PCDHGA4: variants seen among roughly 807,000 people sequenced by gnomAD.
PCDHGA4 encodes the protein protocadherin gamma-A4.
PCDHGA4 carries 38 observed loss-of-function variants against 54.6 expected under a neutral mutation model. The observed-to-expected ratio is 0.70, with a 90% CI of 0.54 to 0.91. PCDHGA4 has a LOEUF of 0.91. Ranked by LOEUF, PCDHGA4 falls within the 40% of genes least tolerant of loss-of-function variation. The pLI, the probability that PCDHGA4 is intolerant of heterozygous loss-of-function variation, is 0.00. For synonymous variants in PCDHGA4, 511 were observed against 512.9 expected (o/e 1.00, Z 0.05); for missense variants, 1,298 against 1,220.9 (o/e 1.06, Z -0.94).
At chr5:141,371,563 T>TC in intron 1 of PCDHGA4, 1 of 1,613,806 alleles carries the variant, frequency 6.2e-7, no homozygotes, top group Non-Finnish European at 8.5e-7. Context: ...AAAGGAAACT[T>TC]CCCCTTTAAA....
rs762866893 is a variant in PCDHGA4 at position 141,389,080 on chromosome 5, C to G, written c.2514+31459C>G. ...AAAATATTAACTTCTTCAAGAAACA[C>G]GTATAAATTAGTGACAGATGCTGTT... On this transcript the variant is annotated intron_variant, in intron 1 of 3. Transcript: ENST00000571252. 7 of 1,613,984 alleles carry G rather than the reference C, an allele frequency of 4.3e-6. No individual in the cohort carries two copies. The South Asian group carries it at 5.5e-5, about 13-fold the overall frequency.
chr5:141,435,454 T>C (rs1407615505), intron 1 of PCDHGA4, among the ~76,000 whole-genome samples: 1 of 152,220 alleles, frequency 6.6e-6, no homozygotes, highest in Non-Finnish European at 1.5e-5. Flanking sequence ...ACGATATCTG[T>C]ATGTGTTTCC....
chr5:141,410,246 TCTGACCCCCAGG>T (rs2095371499), intron 1 of PCDHGA4: 2 of 1,614,004 alleles, frequency 1.2e-6, no homozygotes, highest in Admixed American at 3.3e-5. Flanking sequence ...CCCTGTACTC[TCTGACCCCCAGG>T]CTGAACTGCA....
intron 1 of PCDHGA4, chr5:141,370,659 C>G: frequency 6.2e-7 from 1 of 1,613,780 alleles, no homozygotes; most frequent in Non-Finnish European, 8.5e-7. Context: ...TGTGAGCGAC[C>G]GTATAGACCG....
intron 1 of PCDHGA4, chr5:141,414,478 C>T (rs977591382): frequency 5.6e-6 from 9 of 1,613,884 alleles, no homozygotes; most frequent in Non-Finnish European, 3.4e-6. Flanking sequence ...GGGAAGTCCT[C>T]CTCTATCAAC....
rs374134053 is a variant in PCDHGA4, at chr5:141,389,297, A to T, written c.2514+31676A>T. ...ACCCGCCTGGAGCCTCTATTTCACA[A>T]GTCAGGGCTTCTGATCCGGACTTGG... On this transcript the variant is annotated intron_variant, in intron 1 of 3. Coordinates refer to ENST00000571252, the MANE Select transcript of PCDHGA4 (RefSeq NM_018917.4). 6.2e-6 allele frequency: 10 copies of T among 1,613,860 alleles called. No individual in the cohort carries two copies. In the African/African-American group the frequency reaches 1.3e-4, roughly 22 times the overall value.
chr5:141,402,422 T>C (rs1385083470), intron 1 of PCDHGA4, among the ~76,000 whole-genome samples: 2 of 151,998 alleles, frequency 1.3e-5, no homozygotes, highest in African/African-American at 2.4e-5. Context: ...CAGAAAAAAT[T>C]GAAGCATCAT....
In PCDHGA4 at chr5:141,485,066, G is replaced by A. The variant is rs907517904; in HGVS notation, c.2515-9741G>A. On this transcript the variant is annotated intron_variant, in intron 1 of 3. Coordinates refer to ENST00000571252, the MANE Select transcript of PCDHGA4 (RefSeq NM_018917.4). This position sits in a 1 kb window ranked among gnomAD's most constrained non-coding sequence, Gnocchi z 5.7. Reference sequence around the variant, plus strand: ...GCGGCGCCGGCCGAACCGCGCCAGAGCTGGCGCGGGGAAAGGGAGATAGGT... The same window carrying A: ...GCGGCGCCGGCCGAACCGCGCCAGAACTGGCGCGGGGAAAGGGAGATAGGT... 1 of 885,622 alleles carries A rather than the reference G, an allele frequency of 1.1e-6. No individual in the cohort carries two copies. Among genetic ancestry groups the A allele is most frequent in the Non-Finnish European group, 1.8e-6 (1 of 559,820 alleles). 54.9% of individuals were successfully genotyped at this position (885,622 alleles called of 1,614,324 possible).
At chr5:141,461,011 A>G (rs971172615) in intron 1 of PCDHGA4, among the ~76,000 whole-genome samples, 2 of 151,288 alleles carry the variant, frequency 1.3e-5, no homozygotes, top group Non-Finnish European at 2.9e-5. Context: ...ATATATATAT[A>G]CCACATTTTC....
intron 1 of PCDHGA4, chr5:141,388,466 G>A (rs1426666369): frequency 6.2e-7 from 1 of 1,613,812 alleles, no homozygotes. Flanking sequence ...ACCCTGAGAT[G>A]GTATTGAAGA....
chr5:141,432,428 G>C lies in PCDHGA4; in HGVS notation c.2515-62379G>C. 6.2e-7 allele frequency: 1 copy of C among 1,614,232 alleles called. No homozygotes were observed. On this transcript the variant is annotated intron_variant, in intron 1 of 3. Coordinates refer to ENST00000571252, the MANE Select transcript of PCDHGA4 (RefSeq NM_018917.4). The surrounding 1 kb of genome is among the most constrained non-coding windows in gnomAD (Gnocchi z 6.0). ...GAGCCTGTTCGTGCTGGACCAGAAC[G>C]ACAATGCGCCCGAGATCCTGTACCC...
chr5:141,474,369 G>C (rs1424130168), intron 1 of PCDHGA4, among the ~76,000 whole-genome samples: 1 of 152,184 alleles, frequency 6.6e-6, no homozygotes, highest in Non-Finnish European at 1.5e-5. Flanking sequence ...AGTAGGTCTA[G>C]AGGAGGGCAT....
intron 1 of PCDHGA4, chr5:141,421,694 C>G (rs2096592726): frequency 6.2e-7 from 1 of 1,613,936 alleles, no homozygotes. Flanking sequence ...TTTGCTCTTC[C>G]TAATGCTAGG....
intron 1 of PCDHGA4, chr5:141,385,005 C>A (rs754312286): frequency 6.8e-6 from 11 of 1,614,138 alleles, no homozygotes; most frequent in South Asian, 4.4e-5. Context: ...CAGTCTCCTG[C>A]GTCTTCCTAG....
chr5:141,454,546 A>G (rs1342532359), intron 1 of PCDHGA4, among the ~76,000 whole-genome samples: 1 of 152,098 alleles, frequency 6.6e-6, no homozygotes, highest in African/African-American at 2.4e-5. Flanking sequence ...AGCTGAGATT[A>G]CAGGCATGTG....
At chr5:141,381,657 C>T (rs1224064730) in intron 1 of PCDHGA4, among the ~76,000 whole-genome samples, 5 of 152,134 alleles carry the variant, frequency 3.3e-5, no homozygotes, top group East Asian at 1.9e-4. Context: ...AAATGGGTTG[C>T]TTCTATAGCT....
chr5:141,420,179 T>C (rs1420076172), intron 1 of PCDHGA4: 16 of 1,614,054 alleles, frequency 9.9e-6, no homozygotes, highest in Non-Finnish European at 1.2e-5. Flanking sequence ...TGTTGATCAT[T>C]GTCCAGCCAC....
chr5:141,400,515 T>C lies in PCDHGA4; in HGVS notation c.2514+42894T>C, dbSNP rs367864769. On this transcript the variant is annotated intron_variant, in intron 1 of 3. Coordinates refer to ENST00000571252, the MANE Select transcript of PCDHGA4 (RefSeq NM_018917.4). ...GTAATTCCAGCGAGTCGACTTCCCATCCTGAGTTGGTGAGTTTCATTTATG... is the reference window on the plus strand; with the variant it reads ...GTAATTCCAGCGAGTCGACTTCCCACCCTGAGTTGGTGAGTTTCATTTATG... 2,129 of 1,613,988 alleles carry C rather than the reference T, an allele frequency of 1.3e-3. 41 individuals are homozygous for C. In the South Asian group the frequency reaches 0.02, roughly 15 times the overall value.
At chr5:141,392,782 A>G (rs1375306296) in intron 1 of PCDHGA4, 1 of 1,540,122 alleles carries the variant, frequency 6.5e-7, no homozygotes, top group Non-Finnish European at 8.7e-7. Context: ...TGCACAGTGA[A>G]GATTCTGAGA....
Sources: gnomAD v4.1 joint callset for allele counts (sites outside exome capture counted in the v4.1 genomes callset) on GRCh38, gnomAD v4.1.1 for gene constraint, Gnocchi (gnomAD v3.1) non-coding constraint, MANE v1.5 for transcripts, NCBI Gene and HGNC (gene_info 2026-07-23, HGNC 2026-07-21) for gene names.